Variants in GSK3A observed in about 807,000 individuals in gnomAD.
The protein encoded by GSK3A is glycogen synthase kinase 3 alpha, also known as glycogen synthase kinase-3 alpha.
Under a neutral mutation model 56.6 loss-of-function variants are expected in GSK3A, and 14 were observed. The observed-to-expected ratio is 0.25, with a 90% CI of 0.16 to 0.39. The LOEUF (loss-of-function observed/expected upper bound fraction) is 0.39, where lower values mean the gene tolerates loss of function less well. Among genes scored for constraint, GSK3A ranks in the 10% least tolerant of loss-of-function variants. The probability of loss-of-function intolerance (pLI) is 1.00; values close to 1 mark genes in which losing one functional copy is unlikely to be tolerated. For synonymous variants in GSK3A, 301 were observed against 285.0 expected (o/e 1.06, Z -0.56); for missense variants, 450 against 656.0 (o/e 0.69, Z 3.43).
intron 2 of GSK3A, among the ~76,000 whole-genome samples, chr19:42,237,876 A>T (rs2036267680): frequency 6.6e-6 from 1 of 151,316 alleles, no homozygotes; most frequent in African/African-American, 2.4e-5. Flanking sequence ...CTGTCTCAAA[A>T]AATAATAATA....
chr19:42,239,987 T>A lies in GSK3A; in HGVS notation c.439A>T (p.Ile147Phe). ...CTCTTGTCCTGGAGAACCTTCTTGA[T>A]GGCGACTAGTTCCCTGGTCTCTGCC... ...RLAETRELVA[I>F]KKVLQDKRFK... Residue 147 changes from isoleucine (I) to phenylalanine (F), a missense_variant, in exon 2 of 11, where the codon ATC (isoleucine) becomes TTC (phenylalanine). Ile to Phe is a conservative substitution (Grantham distance 21). This residue lies in a region of GSK3A where 144 missense variants were observed against 308.0 expected (regional missense o/e 0.47). Transcript: ENST00000222330. The A allele has an allele frequency of 6.2e-7, 1 of 1,614,184 alleles. No individual in the cohort carries two copies. Among genetic ancestry groups the A allele is most frequent in the Non-Finnish European group, 8.5e-7 (1 of 1,180,020 alleles).
chr19:42,232,820 A>G, intron 8 of GSK3A, 138 bp from the exon 9 acceptor site: 1 of 718,610 alleles, frequency 1.4e-6, no homozygotes, highest in Non-Finnish European at 2.2e-6. Flanking sequence ...GAAGAAACTA[A>G]GGCCCAACCA....
Position 42,242,178 on chromosome 19 carries a change from C to G in GSK3A, c.283+5G>C. The G allele has an allele frequency of 7.1e-7, 1 of 1,402,986 alleles. No individual in the cohort carries two copies. The highest frequency in any genetic ancestry group is 9.2e-7 in the Non-Finnish European group (1 of 1,081,882). 86.9% of individuals were successfully genotyped at this position (1,402,986 alleles called of 1,614,324 possible). Reference sequence around the variant, plus strand: ...CCACCCTACACGGGCGCCACTAGTACTCACGGCCCAGCTTCACCCCGGGCG... The same window carrying G: ...CCACCCTACACGGGCGCCACTAGTAGTCACGGCCCAGCTTCACCCCGGGCG... On this transcript the variant is annotated splice_donor_5th_base_variant and intron_variant, in intron 1 of 10. Transcript: ENST00000222330.
intron 2 of GSK3A, among the ~76,000 whole-genome samples, chr19:42,238,261 C>G (rs904955130): frequency 2.6e-5 from 4 of 151,002 alleles, no homozygotes; most frequent in African/African-American, 9.7e-5. Context: ...GGATGAGGTA[C>G]AAGAATTGCT....
chr19:42,232,836 G>A, intron 8 of GSK3A, 154 bp from the exon 9 acceptor site: 3 of 654,674 alleles, frequency 4.6e-6, no homozygotes, highest in Non-Finnish European at 7.6e-6. Flanking sequence ...AACCACTAAG[G>A]AGAGGTCAGT....
chr19:42,234,740 C>G lies in GSK3A; in HGVS notation c.667-62G>C. The stretch of plus-strand genomic sequence containing the variant: ...CTTTCCCCATACAGCACCACTACCC[C>G]ACCAGCTTGGCCTGAAGAGCCCTTC... On this transcript the variant is annotated intron_variant, in intron 4 of 10. Transcript: ENST00000222330. The surrounding 1 kb of genome is among the most constrained non-coding windows in gnomAD (Gnocchi z 5.7). 6.8e-7 allele frequency: 1 copy of G among 1,468,506 alleles called. No individual in the cohort carries two copies. The allele number at this position is 1,468,506 out of a possible 1,614,324, so 91.0% of individuals were successfully genotyped here.
chr19:42,233,645 G>A (rs1051354052), intron 6 of GSK3A, among the ~76,000 whole-genome samples: 6 of 152,104 alleles, frequency 3.9e-5, no homozygotes, highest in African/African-American at 1.4e-4. Flanking sequence ...TCTCCCGCTA[G>A]CCTTGGACGA....
In GSK3A at chr19:42,231,298, T is replaced by G. The variant is rs115890121; in HGVS notation, c.1379-431A>C. ...TCACTTGAACCCAGGAGGCAGAAGT[T>G]GGAGTGAGCCGGGATTGTGCCACTG... On this transcript the variant is annotated intron_variant, in intron 10 of 10. Transcript: ENST00000222330. Among the ~76,000 whole-genome samples, 1,356 of 152,168 alleles carry G rather than the reference T, an allele frequency of 8.9e-3. 20 individuals are homozygous for G. Among genetic ancestry groups the G allele is most frequent in the African/African-American group, 0.031 (1,295 of 41,504 alleles).
chr19:42,242,487 C>T lies in GSK3A; in HGVS notation c.-22G>A. 8.8e-7 allele frequency: 1 copy of T among 1,140,210 alleles called. No individual in the cohort carries two copies. Among genetic ancestry groups the T allele is most frequent in the East Asian group, 4.6e-5 (1 of 21,516 alleles). The allele number at this position is 1,140,210 out of a possible 1,614,324, so 70.6% of individuals were successfully genotyped here. A position where few individuals can be genotyped will look rare whatever the true frequency, so the allele number is the denominator to read the frequency against. On this transcript the variant is annotated 5_prime_UTR_variant, in exon 1 of 11. Coordinates refer to ENST00000222330, the MANE Select transcript of GSK3A (RefSeq NM_019884.3). The stretch of plus-strand genomic sequence containing the variant: ...TCATGGCGCCGAGCACAGGCCCAGG[C>T]TGCGGGGCTCGGGCTGCCCGGGCTG...
At chr19:42,237,552 C>T (rs1232757506) in intron 2 of GSK3A, among the ~76,000 whole-genome samples, 1 of 151,790 alleles carries the variant, frequency 6.6e-6, no homozygotes, top group Non-Finnish European at 1.5e-5. Flanking sequence ...ATGGCACCTT[C>T]TGATTTTTTT....
At chr19:42,238,642 T>C (rs1348274572) in intron 2 of GSK3A, among the ~76,000 whole-genome samples, 1 of 134,418 alleles carries the variant, frequency 7.4e-6, no homozygotes, top group Non-Finnish European at 1.6e-5. Flanking sequence ...AGATTTCACA[T>C]CTAAATCCAG....
At chr19:42,235,243 T>C (rs2036249589) in intron 4 of GSK3A, among the ~76,000 whole-genome samples, 1 of 152,204 alleles carries the variant, frequency 6.6e-6, no homozygotes, top group Non-Finnish European at 1.5e-5. Context: ...GACCACACTC[T>C]GAGAACCACT....
intron 8 of GSK3A, 93 bp downstream of exon 8, chr19:42,233,017 G>T: frequency 1.3e-6 from 1 of 785,830 alleles, no homozygotes; most frequent in Non-Finnish European, 2.1e-6. Context: ...ATCCTCCCAA[G>T]CCGTGATTCT....
intron 1 of GSK3A, chr19:42,241,947 G>A (rs536478749): frequency 5.1e-6 from 2 of 390,258 alleles, no homozygotes; most frequent in Non-Finnish European, 9.0e-6. Flanking sequence ...TGGAAGAACA[G>A]AGACTTGTAA....
Position 42,230,871 on chromosome 19 carries a change from G to A in GSK3A, c.1379-4C>T, listed in dbSNP as rs1169494745. Reference sequence around the variant, plus strand: ...CTGGTCGGAGTCTCAGTTAAAGCTGGAGGGAGGCAGGGAAGGAGCAGAGTT... The same window carrying A: ...CTGGTCGGAGTCTCAGTTAAAGCTGAAGGGAGGCAGGGAAGGAGCAGAGTT... On this transcript the variant is annotated splice_polypyrimidine_tract_variant and splice_region_variant and intron_variant, in intron 10 of 10. Coordinates refer to ENST00000222330, the MANE Select transcript of GSK3A (RefSeq NM_019884.3). 1.3e-5 allele frequency: 20 copies of A among 1,555,418 alleles called. No homozygotes were observed. The South Asian group carries it at 2.4e-4, about 18-fold the overall frequency.
At chr19:42,238,249 G>A (rs1257965130) in intron 2 of GSK3A, among the ~76,000 whole-genome samples, 1 of 151,952 alleles carries the variant, frequency 6.6e-6, no homozygotes, top group African/African-American at 2.4e-5. Flanking sequence ...AACTACTCAG[G>A]TGGATGAGGT....
chr19:42,232,697 C>T lies in GSK3A; in HGVS notation c.1099-15G>A. On this transcript the variant is annotated splice_polypyrimidine_tract_variant and intron_variant, in intron 8 of 10. Coordinates refer to ENST00000222330, the MANE Select transcript of GSK3A (RefSeq NM_019884.3). ...GATTTGAACACCTGAGGGATGGGTG[C>T]AGGGCTCATGAGGGTGAGATGCCCT... 6.4e-7 allele frequency: 1 copy of T among 1,552,564 alleles called. No homozygotes were observed. The highest frequency in any genetic ancestry group is 8.7e-7 in the Non-Finnish European group (1 of 1,145,144).
chr19:42,232,761 C>CA, intron 8 of GSK3A, 79 bp from the exon 9 acceptor site: 10 of 1,224,958 alleles, frequency 8.2e-6, no homozygotes, highest in Non-Finnish European at 1.0e-5. Context: ...TGCCACAGTG[C>CA]CTGCGGCAAG....
chr19:42,242,051 G>C (rs2036295423), intron 1 of GSK3A, 132 bp downstream of exon 1: 2 of 732,900 alleles, frequency 2.7e-6, no homozygotes, highest in African/African-American at 3.7e-5. Context: ...GGAGGAAGAG[G>C]GCTCGGATCC....
Sources: allele counts gnomAD v4.1 joint callset (sites outside exome capture counted in the v4.1 genomes callset), GRCh38; gene constraint gnomAD v4.1.1; regional missense constraint gnomAD v4.1.1; non-coding constraint Gnocchi (gnomAD v3.1); transcripts MANE v1.5; gene names NCBI Gene and HGNC (gene_info 2026-07-23, HGNC 2026-07-21).